PLCZ1: variants seen among roughly 807,000 people sequenced by gnomAD.
PLCZ1 encodes phospholipase C zeta 1.
Under a neutral mutation model 76.8 loss-of-function variants are expected in PLCZ1, and 64 were observed. The observed-to-expected ratio is 0.83, with a 90% confidence interval of 0.68 to 1.03. PLCZ1 has a LOEUF of 1.03. Among genes scored for constraint, PLCZ1 ranks in the 50% least tolerant of loss-of-function variants. The pLI is 0.00. For missense variants in PLCZ1, 751 were observed against 713.7 expected (o/e 1.05, Z -0.60); for synonymous variants, 248 against 230.8 (o/e 1.07, Z -0.68).
intron 6 of PLCZ1, among the ~76,000 whole-genome samples, chr12:18,707,950 C>T (rs1279360092): frequency 5.9e-5 from 9 of 152,218 alleles, no homozygotes; most frequent in East Asian, 3.9e-4. Context: ...AAGGTTATTA[C>T]AGTGAATCAA....
intron 13 of PLCZ1, among the ~76,000 whole-genome samples, chr12:18,686,343 T>A (rs1007331781): frequency 6.6e-6 from 1 of 152,070 alleles, no homozygotes; most frequent in Non-Finnish European, 1.5e-5. Context: ...AAAAAGAAAG[T>A]TCCTGACACC....
intron 10 of PLCZ1, among the ~76,000 whole-genome samples, chr12:18,696,548 TA>T (rs1955068567): frequency 6.6e-6 from 1 of 151,806 alleles, no homozygotes; most frequent in Non-Finnish European, 1.5e-5. Context: ...ATAATTTATA[TA>T]TTTTTTACAC....
chr12:18,696,820 C>CA (rs1174109038), intron 10 of PLCZ1, among the ~76,000 whole-genome samples: 1 of 152,062 alleles, frequency 6.6e-6, no homozygotes, highest in African/African-American at 2.4e-5. Context: ...CATCTTCCCC[C>CA]AAAGTTTATT....
At chr12:18,680,631 A>G (rs1041405742), downstream of PLCZ1, among the ~76,000 whole-genome samples, 28 of 152,194 alleles carry the variant, frequency 1.8e-4, no homozygotes, top group Admixed American at 1.2e-3. Context: ...CTTTTCTGTA[A>G]CACATGTAAG....
chr12:18,700,008 T>C, intron 9 of PLCZ1, 58 bp from the exon 10 acceptor site: 1 of 1,468,830 alleles, frequency 6.8e-7, no homozygotes, highest in Non-Finnish European at 9.3e-7. Context: ...AAAAAAAATT[T>C]TTTCTAGTAA....
At chr12:18,710,304 T>G (rs114543388) in intron 6 of PLCZ1, among the ~76,000 whole-genome samples, 1 of 150,894 alleles carries the variant, frequency 6.6e-6, no homozygotes. Context: ...GGTGAGGGAG[T>G]TAGCCATGCA....
At chr12:18,681,527 T>C (rs910081904), downstream of PLCZ1, among the ~76,000 whole-genome samples, 1 of 152,078 alleles carries the variant, frequency 6.6e-6, no homozygotes, top group Non-Finnish European at 1.5e-5. Context: ...GAATAAAATC[T>C]GTTAATAGTT....
In PLCZ1 at chr12:18,723,507, T is replaced by C. The variant is rs371926945; in HGVS notation, c.171A>G (p.Ile57Met). The change falls in exon 4 of 15, where the codon ATA becomes ATG. Residue 57 changes from isoleucine to methionine, a missense_variant. Physicochemically the swap from Ile to Met is conservative, Grantham distance 10. Transcript: ENST00000266505. ...NDRLKQGRIT[I>M]EEFRAIYRII... ...TTCGATAAATTGCTCTAAATTCTTC[T>C]ATGGTGATTCTTCCTTGTTTCAGCC... The C allele has an allele frequency of 6.1e-5, 98 of 1,612,624 alleles. No homozygotes were observed. The highest frequency in any genetic ancestry group is 7.7e-5 in the Non-Finnish European group (91 of 1,179,404).
chr12:18,723,034 C>A (rs1007778433), intron 4 of PLCZ1, among the ~76,000 whole-genome samples: 2 of 151,896 alleles, frequency 1.3e-5, no homozygotes, highest in African/African-American at 4.8e-5. Context: ...TTACTTTCAC[C>A]TCCAAGCTCA....
intron 4 of PLCZ1, among the ~76,000 whole-genome samples, chr12:18,722,900 T>G (rs1958527514): frequency 6.6e-6 from 1 of 151,990 alleles, no homozygotes; most frequent in Admixed American, 6.6e-5. Context: ...CACATTTAAT[T>G]TTCATAGATA....
downstream of PLCZ1, among the ~76,000 whole-genome samples, chr12:18,678,994 C>T (rs775542621): frequency 2.6e-5 from 4 of 152,064 alleles, no homozygotes; most frequent in Non-Finnish European, 4.4e-5. Flanking sequence ...TCCACCTCAA[C>T]ATTTGGTGTG....
rs1953461854 is a variant in PLCZ1, at chr12:18,688,145, A to G, written c.1535T>C (p.Val512Ala). Residue 512 changes from valine to alanine, a missense_variant, in exon 13 of 15, where the codon GTT becomes GCT. Val to Ala is a moderately conservative substitution (Grantham distance 64). Transcript: ENST00000266505. ...CATTTGATCATTTGGAACACCAAAA[A>G]CTTCTATAATTACTAATGAATCACC... Reference protein sequence around the residue: ...NKGDSLVIIEVFGVPNDQMKQ... With the variant: ...NKGDSLVIIEAFGVPNDQMKQ... The G allele has an allele frequency of 6.2e-6, 10 of 1,611,790 alleles. No homozygotes were observed. Among genetic ancestry groups the G allele is most frequent in the Non-Finnish European group, 8.5e-6 (10 of 1,179,062 alleles).
At chr12:18,657,080 C>A in the PLCZ1 span, among the ~76,000 whole-genome samples, 4 of 152,064 alleles carry the variant, frequency 2.6e-5, no homozygotes, top group Non-Finnish European at 5.9e-5. Flanking sequence ...AAAACAAGCC[C>A]AAAGGGTTTG....
In PLCZ1 at chr12:18,701,520, A is replaced by T. The variant is rs746812257; in HGVS notation, c.998T>A (p.Met333Lys). 1 of 1,613,928 alleles carries T rather than the reference A, an allele frequency of 6.2e-7. No homozygotes were observed. The highest frequency in any genetic ancestry group is 1.7e-5 in the Admixed American group (1 of 59,984). The part of the protein sequence containing the change: ...ETGVKKLPGV[M>K]LFKKKKTRKL... ...CCTCACCTTCTTTTTCTTGAAAAGC[A>T]TTACTCCAGGTAACTTTTTTACCCC... The change falls in exon 9 of 15, where the codon ATG becomes AAG. Residue 333 changes from methionine to lysine, a missense_variant. By Grantham distance (95) the Met-to-Lys change is moderately conservative. Coordinates refer to ENST00000266505, the MANE Select transcript of PLCZ1 (RefSeq NM_033123.4).
chr12:18,662,119 T>C, the PLCZ1 span, among the ~76,000 whole-genome samples: 1 of 152,024 alleles, frequency 6.6e-6, no homozygotes, highest in Admixed American at 6.6e-5. Context: ...ACACTGGGAC[T>C]ACTTGAAGAT....
intron 13 of PLCZ1, among the ~76,000 whole-genome samples, chr12:18,684,837 A>AC (rs1202756016): frequency 1.3e-5 from 2 of 151,944 alleles, no homozygotes; most frequent in Non-Finnish European, 2.9e-5. Flanking sequence ...GTAGAAAGTG[A>AC]CTGGATTATA....
At chr12:18,687,767 A>C (rs10505829) in intron 13 of PLCZ1, among the ~76,000 whole-genome samples, 8,759 of 152,124 alleles carry the variant, frequency 0.058, 301 homozygotes, top group Non-Finnish European at 0.065. Context: ...CAAAGGCTAG[A>C]AGCTAAGTAG....
the PLCZ1 span, among the ~76,000 whole-genome samples, chr12:18,646,195 T>C: frequency 6.6e-6 from 1 of 152,230 alleles, no homozygotes; most frequent in African/African-American, 2.4e-5. Flanking sequence ...TTCATGCAGA[T>C]TTTATTTAAT....
At chr12:18,709,349 C>G (rs1957018606) in intron 6 of PLCZ1, among the ~76,000 whole-genome samples, 1 of 152,028 alleles carries the variant, frequency 6.6e-6, no homozygotes, top group Admixed American at 6.6e-5. Flanking sequence ...GATCTCTAGG[C>G]TCTCTATTCT....
Sources: gnomAD v4.1 joint callset for allele counts (sites outside exome capture counted in the v4.1 genomes callset) on GRCh38, gnomAD v4.1.1 for gene constraint, MANE v1.5 for transcripts, NCBI Gene and HGNC (gene_info 2026-07-23, HGNC 2026-07-21) for gene names.